The following MAMDC2 variants were observed in gnomAD, a reference collection of about 807,000 sequenced individuals.
MAMDC2 encodes the protein MAM domain containing 2.
A neutral mutation model predicts 89.8 loss-of-function variants in MAMDC2; 57 were observed. That is an observed-to-expected ratio of 0.63 (90% CI 0.51 to 0.79). The LOEUF (loss-of-function observed/expected upper bound fraction) is 0.79. Ranked by LOEUF, MAMDC2 falls within the 30% of genes least tolerant of loss-of-function variation. The pLI is 0.00. For synonymous variants in MAMDC2, 313 were observed against 293.4 expected (o/e 1.07, Z -0.68); for missense variants, 800 against 820.6 (o/e 0.97, Z 0.31).
At chr9:70,223,132 C>CA (rs57177475) in intron 12 of MAMDC2, among the ~76,000 whole-genome samples, 12,612 of 118,136 alleles carry the variant, frequency 0.11, 1,153 homozygotes, top group East Asian at 0.17. Flanking sequence ...GACTCTGTCT[C>CA]AAAAAAAAAA....
intron 11 of MAMDC2, among the ~76,000 whole-genome samples, chr9:70,189,318 C>T (rs962721334): frequency 1.3e-5 from 2 of 151,986 alleles, no homozygotes; most frequent in Admixed American, 1.3e-4. Flanking sequence ...ATATAGAATT[C>T]TTAGTTTTCT....
chr9:70,095,731 G>A (rs1828013930), intron 2 of MAMDC2, among the ~76,000 whole-genome samples: 2 of 152,216 alleles, frequency 1.3e-5, no homozygotes, highest in Non-Finnish European at 2.9e-5. Flanking sequence ...GAAGGCATGG[G>A]AGAAGTCAGT....
intron 9 of MAMDC2, among the ~76,000 whole-genome samples, chr9:70,161,669 A>G (rs2031975581): frequency 6.6e-6 from 1 of 152,214 alleles, no homozygotes; most frequent in African/African-American, 2.4e-5. Flanking sequence ...CATTTTGCCA[A>G]GTATCTCAAT....
intron 3 of MAMDC2, chr9:70,109,394 T>C (rs1259827840): frequency 3.6e-6 from 1 of 278,620 alleles, no homozygotes; most frequent in Non-Finnish European, 6.7e-6. Context: ...GGACCACAAG[T>C]GCTACCACAA....
intron 2 of MAMDC2, among the ~76,000 whole-genome samples, chr9:70,048,969 G>A (rs73650505): frequency 3.1e-4 from 47 of 152,320 alleles, no homozygotes; most frequent in African/African-American, 1.1e-3. Context: ...CCTTAATTAG[G>A]AGTTTGGAAC....
intron 2 of MAMDC2, among the ~76,000 whole-genome samples, chr9:70,076,049 C>T (rs2118106536): frequency 6.6e-6 from 1 of 152,324 alleles, no homozygotes; most frequent in East Asian, 1.9e-4. Context: ...GCTGCGATGG[C>T]AGGTGGGGGC....
intron 5 of MAMDC2, among the ~76,000 whole-genome samples, chr9:70,118,098 T>C (rs2118299478): frequency 6.6e-6 from 1 of 152,252 alleles, no homozygotes; most frequent in African/African-American, 2.4e-5. Flanking sequence ...GGATGGTTTA[T>C]TTTATATTTG....
intron 9 of MAMDC2, among the ~76,000 whole-genome samples, chr9:70,167,135 G>GA (rs917790595): frequency 1.1e-4 from 16 of 150,682 alleles, no homozygotes; most frequent in East Asian, 1.9e-4. Flanking sequence ...AAGTAAACGA[G>GA]AAAAAAAAAT....
At chr9:70,188,353 G>A (rs1025107617) in intron 11 of MAMDC2, among the ~76,000 whole-genome samples, 1 of 151,428 alleles carries the variant, frequency 6.6e-6, no homozygotes, top group Non-Finnish European at 1.5e-5. Flanking sequence ...TTGCATTTTG[G>A]CATTTGTTTT....
intron 11 of MAMDC2, among the ~76,000 whole-genome samples, chr9:70,185,231 G>A (rs930370109): frequency 1.3e-5 from 2 of 152,234 alleles, no homozygotes; most frequent in Non-Finnish European, 2.9e-5. Context: ...AGCAAAGATT[G>A]CTGCTTGCTC....
At chr9:70,101,320 G>C (rs1200628886) in intron 2 of MAMDC2, among the ~76,000 whole-genome samples, 1 of 151,726 alleles carries the variant, frequency 6.6e-6, no homozygotes, top group African/African-American at 2.4e-5. Context: ...AAAGTAAAAA[G>C]GTTATAGTAA....
intron 9 of MAMDC2, among the ~76,000 whole-genome samples, chr9:70,159,904 G>A (rs980573707): frequency 5.3e-5 from 8 of 151,990 alleles, no homozygotes; most frequent in East Asian, 1.9e-4. Context: ...CAGGCAGCCC[G>A]GAGGCCTATT....
chr9:70,156,131 G>C lies in MAMDC2; in HGVS notation c.1404+12312G>C, dbSNP rs118008028. Among the ~76,000 whole-genome samples the C allele has an allele frequency of 7.0e-3, 1,064 of 152,130 alleles. 3 individuals carry two copies. Among genetic ancestry groups the C allele is most frequent in the South Asian group, 0.011 (55 of 4,814 alleles). ...CTGTGTTTTAACATTGTGCAACATG[G>C]TTCTTGTTGGTAATTTTCTCTACTC... On this transcript the variant is annotated intron_variant, in intron 9 of 13. Transcript: ENST00000377182.
chr9:70,196,757 G>T (rs1331244522), intron 11 of MAMDC2, among the ~76,000 whole-genome samples: 1 of 152,050 alleles, frequency 6.6e-6, no homozygotes, highest in Non-Finnish European at 1.5e-5. Context: ...CATAAAACAT[G>T]GAACGACAGA....
chr9:70,210,055 C>T (rs112513432), intron 11 of MAMDC2, among the ~76,000 whole-genome samples: 2 of 152,138 alleles, frequency 1.3e-5, no homozygotes, highest in South Asian at 2.1e-4. Flanking sequence ...TTACTTCCAA[C>T]TATGTGGTCA....
At chr9:70,196,466 G>A (rs1294585808) in intron 11 of MAMDC2, among the ~76,000 whole-genome samples, 1 of 152,076 alleles carries the variant, frequency 6.6e-6, no homozygotes, top group African/African-American at 2.4e-5. Flanking sequence ...GCAACAGAAA[G>A]CATTGAGACT....
chr9:70,225,696 A>G, intron 12 of MAMDC2, 54 bp from the exon 13 acceptor site: 1 of 1,160,606 alleles, frequency 8.6e-7, no homozygotes, highest in African/African-American at 1.5e-5. Flanking sequence ...TGCCCTGACC[A>G]GCACTGTAAT....
At chr9:70,151,865 CAT>C (rs1465709942) in intron 9 of MAMDC2, among the ~76,000 whole-genome samples, 2 of 152,164 alleles carry the variant, frequency 1.3e-5, no homozygotes, top group African/African-American at 2.4e-5. Context: ...GCCTGGCACA[CAT>C]GTGTCACCTG....
intron 2 of MAMDC2, among the ~76,000 whole-genome samples, chr9:70,054,782 T>C (rs1826991211): frequency 6.6e-6 from 1 of 152,106 alleles, no homozygotes; most frequent in Non-Finnish European, 1.5e-5. Context: ...CCAAGTACCC[T>C]CCACTGAGTG....
Sources: gnomAD v4.1 joint callset for allele counts (sites outside exome capture counted in the v4.1 genomes callset) on GRCh38, gnomAD v4.1.1 for gene constraint, MANE v1.5 for transcripts, NCBI Gene and HGNC (gene_info 2026-07-23, HGNC 2026-07-21) for gene names.